Variants in TM4SF4 observed in about 807,000 individuals in gnomAD.
TM4SF4 encodes transmembrane 4 L6 family member 4.
In TM4SF4, 24 loss-of-function variants were observed where a neutral mutation model predicts 24.1. The observed-to-expected ratio is 1.00, with a 90% confidence interval of 0.72 to 1.40. The LOEUF (loss-of-function observed/expected upper bound fraction) is 1.40. Among genes scored for constraint, TM4SF4 ranks in the 40% most tolerant of loss-of-function variants. The pLI is 0.00. For synonymous variants in TM4SF4, 113 were observed against 97.0 expected, an observed-to-expected ratio of 1.17 and a Z score of -0.97; for missense variants, 254 against 254.2, an observed-to-expected ratio of 1.00 and a Z score of 0.01.
rs200292595 is a variant in TM4SF4 at position 149,498,843 on chromosome 3, G to A, written c.523G>A (p.Ala175Thr). Residue 175 changes from alanine (A) to threonine (T), a missense_variant, in exon 4 of 5, where the codon GCC (alanine) becomes ACC (threonine). By Grantham distance (58) the Ala-to-Thr change is moderately conservative. Transcript: ENST00000305354. ...AGGAGGAATCCAGATGGTTCTCTGC[G>A]CCATCCAGGTGGTCAATGGCCTCCT... Reference protein sequence around the residue: ...VVGGIQMVLCAIQVVNGLLGT... With the variant: ...VVGGIQMVLCTIQVVNGLLGT... The A allele has an allele frequency of 9.4e-5, 152 of 1,613,976 alleles. No individual in the cohort carries two copies. The highest frequency in any genetic ancestry group is 8.3e-4 in the South Asian group (76 of 91,078).
rs1485190665 is a variant in TM4SF4, at chr3:149,503,007, C to T, written c.*314C>T. 3 of 273,664 alleles carry T rather than the reference C, an allele frequency of 1.1e-5. No homozygotes were observed. In the East Asian group the frequency reaches 2.4e-4, roughly 22 times the overall value. 17.0% of individuals were successfully genotyped at this position (273,664 alleles called of 1,614,324 possible). A position where few individuals can be genotyped will look rare whatever the true frequency, so the allele number is the denominator to read the frequency against. On this transcript the variant is annotated 3_prime_UTR_variant, in exon 5 of 5. Transcript: ENST00000305354. ...TACAAATGTAAAATGTATAAAGTCA[C>T]ATGTACTGCCATACTACTTCTTTGT...
chr3:149,480,228 G>A (rs1052665472), intron 2 of TM4SF4, among the ~76,000 whole-genome samples: 1 of 152,158 alleles, frequency 6.6e-6, no homozygotes, highest in African/African-American at 2.4e-5. Context: ...TCGGTGGCTG[G>A]TCAGCATCTC....
intron 2 of TM4SF4, among the ~76,000 whole-genome samples, chr3:149,487,401 T>C (rs570107877): frequency 2.0e-5 from 3 of 151,904 alleles, no homozygotes; most frequent in African/African-American, 7.3e-5. Flanking sequence ...CTGTCATCAA[T>C]GAAAAGGTGA....
chr3:149,499,593 T>A (rs1225601402), intron 4 of TM4SF4, among the ~76,000 whole-genome samples: 1 of 152,148 alleles, frequency 6.6e-6, no homozygotes, highest in Admixed American at 6.5e-5. Flanking sequence ...GATTGATGTA[T>A]GAAGAAAAAA....
chr3:149,497,356 A>T (rs1734328704), intron 3 of TM4SF4, among the ~76,000 whole-genome samples: 1 of 152,242 alleles, frequency 6.6e-6, no homozygotes, highest in South Asian at 2.1e-4. Flanking sequence ...TTATGGAAAG[A>T]TGAATCAATG....
chr3:149,475,171 A>G lies in TM4SF4; in HGVS notation c.174+120A>G, dbSNP rs904289532. On this transcript the variant is annotated intron_variant, in intron 1 of 4. Coordinates refer to ENST00000305354, the MANE Select transcript of TM4SF4 (RefSeq NM_004617.4). ...TTGGTAATAGAAGCTCAAGCATTGCATGGTGAGAGGTCAATGCCTTAATTT... is the reference window on the plus strand; with the variant it reads ...TTGGTAATAGAAGCTCAAGCATTGCGTGGTGAGAGGTCAATGCCTTAATTT... The G allele has an allele frequency of 2.7e-6, 3 of 1,117,162 alleles. No homozygotes were observed. The African/African-American group carries it at 4.7e-5, about 18-fold the overall frequency. The allele number at this position is 1,117,162 out of a possible 1,614,324, so 69.2% of individuals were successfully genotyped here.
chr3:149,481,364 C>T (rs935710823), intron 2 of TM4SF4, among the ~76,000 whole-genome samples: 1 of 151,974 alleles, frequency 6.6e-6, no homozygotes, highest in South Asian at 2.1e-4. Flanking sequence ...AAGTGAACAC[C>T]TAGGAGAGGA....
chr3:149,478,568 T>G (rs1402496817), intron 2 of TM4SF4, among the ~76,000 whole-genome samples: 5 of 152,246 alleles, frequency 3.3e-5, no homozygotes, highest in Admixed American at 6.5e-5. Context: ...ATGTGGAACC[T>G]GCCCTTGGCA....
chr3:149,489,686 G>A (rs935181625), intron 3 of TM4SF4, among the ~76,000 whole-genome samples: 1 of 152,152 alleles, frequency 6.6e-6, no homozygotes, highest in African/African-American at 2.4e-5. Context: ...TAGTACTTCT[G>A]GAGAAGCAAG....
chr3:149,482,763 C>T (rs1462752987), intron 2 of TM4SF4, among the ~76,000 whole-genome samples: 1 of 152,160 alleles, frequency 6.6e-6, no homozygotes, highest in Admixed American at 6.5e-5. Context: ...AGGCTGGTCT[C>T]GAACTCCTGG....
At chr3:149,492,964 C>A (rs1347135994) in intron 3 of TM4SF4, among the ~76,000 whole-genome samples, 1 of 152,140 alleles carries the variant, frequency 6.6e-6, no homozygotes, top group Non-Finnish European at 1.5e-5. Context: ...TAGGGTCTAG[C>A]CACACCTCTG....
intron 3 of TM4SF4, among the ~76,000 whole-genome samples, chr3:149,491,106 G>T (rs1408641629): frequency 6.6e-6 from 1 of 151,860 alleles, no homozygotes; most frequent in African/African-American, 2.4e-5. Context: ...GCTCAAGAAG[G>T]TTAATTTTCC....
At chr3:149,496,725 G>A (rs1734318360) in intron 3 of TM4SF4, among the ~76,000 whole-genome samples, 1 of 152,136 alleles carries the variant, frequency 6.6e-6, no homozygotes, top group South Asian at 2.1e-4. Flanking sequence ...CCGAGATTGT[G>A]CCATTGCACT....
Position 149,496,071 on chromosome 3 carries a change from T to G in TM4SF4, c.402-2651T>G, listed in dbSNP as rs369930682. On this transcript the variant is annotated intron_variant, in intron 3 of 4. Transcript: ENST00000305354. Reference sequence around the variant, plus strand: ...AGTGGTAGAAGAATGACCTCAGAACTGTTTGTCTCATTTGGCCGTTGAAGT... The same window carrying G: ...AGTGGTAGAAGAATGACCTCAGAACGGTTTGTCTCATTTGGCCGTTGAAGT... 8 of 188,304 alleles carry G rather than the reference T, an allele frequency of 4.2e-5. No individual in the cohort carries two copies. In the East Asian group the frequency reaches 6.4e-4, roughly 15 times the overall value. 11.7% of individuals were successfully genotyped at this position (188,304 alleles called of 1,614,324 possible). A position where few individuals can be genotyped will look rare whatever the true frequency, so the allele number is the denominator to read the frequency against.
chr3:149,486,901 C>T (rs1734125576), intron 2 of TM4SF4, among the ~76,000 whole-genome samples: 1 of 152,146 alleles, frequency 6.6e-6, no homozygotes, highest in Non-Finnish European at 1.5e-5. Flanking sequence ...TAGAACCTGC[C>T]TGTCACATGA....
intron 2 of TM4SF4, among the ~76,000 whole-genome samples, chr3:149,484,063 G>C (rs1734077184): frequency 6.6e-6 from 1 of 152,242 alleles, no homozygotes; most frequent in East Asian, 1.9e-4. Flanking sequence ...TTACAGGCTT[G>C]AGCCACTGTG....
rs529680502 is a variant in TM4SF4, at chr3:149,491,502, T to A, written c.401+3747T>A. 2.6e-3 allele frequency among the ~76,000 whole-genome samples: 372 copies of A among 141,764 alleles called. 3 individuals are homozygous for A. Among genetic ancestry groups the A allele is most frequent in the African/African-American group, 8.6e-3 (343 of 39,874 alleles). The allele number at this position is 141,764 out of a possible 152,430, so 93.0% of individuals were successfully genotyped here. A position where few individuals can be genotyped will look rare whatever the true frequency, so the allele number is the denominator to read the frequency against. On this transcript the variant is annotated intron_variant, in intron 3 of 4. Coordinates refer to ENST00000305354, the MANE Select transcript of TM4SF4 (RefSeq NM_004617.4). ...AAAACAAAACAAAACAAAACAAAAA[T>A]ATATATATATACACACACACACATT...
chr3:149,502,023 G>A (rs1399992315), intron 4 of TM4SF4, among the ~76,000 whole-genome samples: 1 of 152,158 alleles, frequency 6.6e-6, no homozygotes, highest in Non-Finnish European at 1.5e-5. Context: ...CCTAGTACAG[G>A]GTGACAAGCA....
chr3:149,488,012 G>T lies in TM4SF4; in HGVS notation c.401+257G>T, dbSNP rs192859686. Among the ~76,000 whole-genome samples the T allele has an allele frequency of 2.6e-5, 4 of 152,352 alleles. No individual in the cohort carries two copies. In the East Asian group the frequency reaches 5.8e-4, roughly 22 times the overall value. ...CTCCTTTGGCCTGAGGGAAGGAAGA[G>T]ATTTGTTGTGTCATCACTTGCACCC... On this transcript the variant is annotated intron_variant, in intron 3 of 4. Transcript: ENST00000305354.
Sources: allele counts gnomAD v4.1 joint callset (sites outside exome capture counted in the v4.1 genomes callset), GRCh38; gene constraint gnomAD v4.1.1; transcripts MANE v1.5; gene names NCBI Gene and HGNC (gene_info 2026-07-23, HGNC 2026-07-21).